The following MACROD2 variants were observed in gnomAD, a reference collection of about 807,000 sequenced individuals.
The protein encoded by MACROD2 is ADP-ribose glycohydrolase MACROD2.
A neutral mutation model predicts 70.4 loss-of-function variants in MACROD2; 36 were observed. That is an observed-to-expected ratio of 0.51 (90% CI 0.39 to 0.68). MACROD2 has a LOEUF of 0.68. Ranked by LOEUF, MACROD2 falls within the 30% of genes least tolerant of loss-of-function variation. The pLI is 0.00. For synonymous variants in MACROD2, 172 were observed against 178.8 expected (o/e 0.96, Z 0.30); for missense variants, 496 against 538.4 (o/e 0.92, Z 0.78).
chr20:15,810,054 C>T (rs1403338930), intron 8 of MACROD2, among the ~76,000 whole-genome samples: 1 of 145,658 alleles, frequency 6.9e-6, no homozygotes. Flanking sequence ...GTGATGTTCC[C>T]CTTCCTGTGT....
chr20:15,556,658 A>T (rs1187989949), intron 8 of MACROD2, among the ~76,000 whole-genome samples: 1 of 152,166 alleles, frequency 6.6e-6, no homozygotes, highest in African/African-American at 2.4e-5. Context: ...AAATAAGAAA[A>T]GCATTTGGGA....
intron 6 of MACROD2, among the ~76,000 whole-genome samples, chr20:15,237,195 T>C (rs950673974): frequency 1.3e-5 from 2 of 152,202 alleles, no homozygotes; most frequent in Admixed American, 6.5e-5. Flanking sequence ...CCTCTCTCTC[T>C]TTTTCACTGT....
At chr20:14,226,744 C>T (rs1156345639) in intron 3 of MACROD2, among the ~76,000 whole-genome samples, 2 of 152,208 alleles carry the variant, frequency 1.3e-5, no homozygotes, top group Non-Finnish European at 2.9e-5. Context: ...TGCCTTCCCG[C>T]GGGGCAGGGC....
At chr20:15,176,235 C>T (rs2076460734) in intron 5 of MACROD2, among the ~76,000 whole-genome samples, 1 of 152,182 alleles carries the variant, frequency 6.6e-6, no homozygotes, top group Admixed American at 6.5e-5. Context: ...CAGGAACAGC[C>T]TGGGCGTTGT....
At chr20:14,327,281 G>T (rs781107102) in intron 3 of MACROD2, 2 of 1,613,802 alleles carry the variant, frequency 1.2e-6, no homozygotes, top group South Asian at 2.2e-5. Flanking sequence ...AAATCTGAAG[G>T]AATCCCAGCA....
chr20:16,050,351 G>T lies in MACROD2; in HGVS notation c.*475G>T, dbSNP rs1245700811. 3.3e-5 allele frequency: 5 copies of T among 152,556 alleles called. No individual in the cohort carries two copies. The highest frequency in any genetic ancestry group is 2.0e-4 in the Admixed American group (3 of 15,300). The allele number at this position is 152,556 out of a possible 1,614,324, so 9.5% of individuals were successfully genotyped here. ...AGCAGTATAATCCCCAGACAGAGGA[G>T]GCAGGATAGAAAATGGGCAAAAGCC... On this transcript the variant is annotated 3_prime_UTR_variant, in exon 18 of 18. Transcript: ENST00000684519.
At chr20:15,474,352 G>A (rs1004774932) in intron 7 of MACROD2, among the ~76,000 whole-genome samples, 3 of 152,126 alleles carry the variant, frequency 2.0e-5, no homozygotes, top group South Asian at 4.1e-4. Flanking sequence ...CACTTAATGA[G>A]CGAGGCTTCA....
intron 4 of MACROD2, among the ~76,000 whole-genome samples, chr20:14,648,782 T>G (rs1985531066): frequency 1.3e-5 from 2 of 152,150 alleles, no homozygotes; most frequent in African/African-American, 4.8e-5. Flanking sequence ...AACATCCTTT[T>G]TAATTGCTGC....
At chr20:14,755,234 A>G (rs955164680) in intron 5 of MACROD2, among the ~76,000 whole-genome samples, 23 of 151,956 alleles carry the variant, frequency 1.5e-4, no homozygotes, top group African/African-American at 5.3e-4. Flanking sequence ...GCCTTGGGCT[A>G]TTTTAGATGA....
At chr20:14,131,712 G>A (rs1308992755) in intron 3 of MACROD2, among the ~76,000 whole-genome samples, 2 of 152,124 alleles carry the variant, frequency 1.3e-5, no homozygotes, top group African/African-American at 4.8e-5. Flanking sequence ...TGTGTTTCAT[G>A]TCCTTTGGCT....
intron 6 of MACROD2, among the ~76,000 whole-genome samples, chr20:15,302,277 G>T (rs1188225680): frequency 6.6e-6 from 1 of 152,012 alleles, no homozygotes; most frequent in African/African-American, 2.4e-5. Flanking sequence ...CTCTTCTGGT[G>T]ATCAAATGCA....
intron 8 of MACROD2, among the ~76,000 whole-genome samples, chr20:15,687,332 A>C (rs2050241110): frequency 6.6e-6 from 1 of 151,762 alleles, no homozygotes; most frequent in Non-Finnish European, 1.5e-5. Flanking sequence ...AGTGCTGACA[A>C]CATAATAAGC....
chr20:14,487,143 G>A (rs2084744876), intron 3 of MACROD2, among the ~76,000 whole-genome samples: 1 of 152,204 alleles, frequency 6.6e-6, no homozygotes, highest in Admixed American at 6.5e-5. Context: ...TGAAATAGTG[G>A]AGGTTTTCTG....
chr20:14,042,364 C>T (rs181747167), intron 2 of MACROD2, among the ~76,000 whole-genome samples: 5 of 152,238 alleles, frequency 3.3e-5, no homozygotes, highest in Non-Finnish European at 7.4e-5. Flanking sequence ...AAAAAACACA[C>T]TCAAAGTGCT....
At chr20:15,980,693 T>G (rs193252151) in intron 13 of MACROD2, among the ~76,000 whole-genome samples, 74 of 152,354 alleles carry the variant, frequency 4.9e-4, no homozygotes, top group African/African-American at 1.7e-3. Context: ...TAACTATGTC[T>G]TTAACTACTT....
intron 5 of MACROD2, among the ~76,000 whole-genome samples, chr20:15,012,213 G>A (rs755017108): frequency 5.9e-5 from 9 of 152,108 alleles, no homozygotes; most frequent in East Asian, 3.9e-4. Context: ...GCAAACCATC[G>A]TGAACAGTGA....
chr20:15,846,671 G>T (rs73248335), intron 8 of MACROD2, among the ~76,000 whole-genome samples: 3 of 151,964 alleles, frequency 2.0e-5, no homozygotes, highest in Non-Finnish European at 4.4e-5. Context: ...GTAAGCCATG[G>T]CTCATGCAGT....
intron 3 of MACROD2, among the ~76,000 whole-genome samples, chr20:14,387,997 G>A (rs1172079882): frequency 6.9e-6 from 1 of 145,566 alleles, no homozygotes. Context: ...TTTTATAGGT[G>A]ACTTTTATGT....
At chr20:15,441,930 C>T (rs1316646117) in intron 7 of MACROD2, among the ~76,000 whole-genome samples, 1 of 152,176 alleles carries the variant, frequency 6.6e-6, no homozygotes, top group Non-Finnish European at 1.5e-5. Flanking sequence ...CTGGGAATAT[C>T]TTTCAGGTAC....
Sources: allele counts gnomAD v4.1 joint callset (sites outside exome capture counted in the v4.1 genomes callset), GRCh38; gene constraint gnomAD v4.1.1; transcripts MANE v1.5; gene names NCBI Gene and HGNC (gene_info 2026-07-23, HGNC 2026-07-21).